The following BCR variants were observed in gnomAD, a reference collection of about 807,000 sequenced individuals.
BCR encodes BCR activator of RhoGEF and GTPase, also known as breakpoint cluster region protein.
A neutral mutation model predicts 138.6 loss-of-function variants in BCR; 58 were observed. The ratio of observed to expected loss-of-function variants is 0.42; its 90% confidence interval spans 0.34 to 0.52. The LOEUF is 0.52. Among genes scored for constraint, BCR ranks in the 20% least tolerant of loss-of-function variants. BCR has a pLI of 0.06. For synonymous variants in BCR, 786 were observed against 730.1 expected, an observed-to-expected ratio of 1.08 and a Z score of -1.23; for missense variants, 1,599 against 1,727.2, an observed-to-expected ratio of 0.93 and a Z score of 1.32.
At chr22:23,250,335 G>A (rs2073210159) in intron 1 of BCR, among the ~76,000 whole-genome samples, 1 of 152,240 alleles carries the variant, frequency 6.6e-6, no homozygotes, top group South Asian at 2.1e-4. Flanking sequence ...CAGATAAACA[G>A]CAAAACCGTT....
intron 1 of BCR, among the ~76,000 whole-genome samples, chr22:23,192,156 A>C (rs1446967352): frequency 3.3e-5 from 5 of 152,184 alleles, no homozygotes; most frequent in African/African-American, 1.2e-4. Context: ...AGGCTGCTTC[A>C]TGGGCCCTCG....
At position 23,285,011 on chromosome 22, in the gene BCR, G is replaced by A. The variant is rs748826114; in HGVS notation, c.2238-22G>A. 37 of 1,607,026 alleles carry A rather than the reference G, an allele frequency of 2.3e-5. No individual in the cohort carries two copies. The Admixed American group carries it at 3.3e-4, about 15-fold the overall frequency. On this transcript the variant is annotated intron_variant, in intron 9 of 22. Coordinates refer to ENST00000305877, the MANE Select transcript of BCR (RefSeq NM_004327.4). ...TAGAAGGCAGTCGGTGCATGTGAAC[G>A]TTCTTCTCTCCCCATCCCCAGCAAA...
intron 12 of BCR, 96 bp downstream of exon 12, chr22:23,288,268 G>C: frequency 7.8e-7 from 1 of 1,289,874 alleles, no homozygotes; most frequent in Non-Finnish European, 1.1e-6. Flanking sequence ...TATTTCGAGG[G>C]GTTTTATCCA....
At chr22:23,255,675 G>T (rs1216994561) in intron 2 of BCR, among the ~76,000 whole-genome samples, 3 of 152,198 alleles carry the variant, frequency 2.0e-5, no homozygotes, top group Non-Finnish European at 4.4e-5. Flanking sequence ...CTGTCCGGGG[G>T]TGGGGGCCTC....
chr22:23,216,729 C>A (rs915454565), intron 1 of BCR, among the ~76,000 whole-genome samples: 1 of 152,228 alleles, frequency 6.6e-6, no homozygotes, highest in African/African-American at 2.4e-5. Flanking sequence ...GGTTTGACTG[C>A]CGCTGGCATC....
chr22:23,180,758 C>CTT lies in BCR; in HGVS notation c.-203_-202insTT, dbSNP rs2072232868. ...GGCGCGCGCAGCCCGCGCCCTTCCCCCCGGCGCGCCCCGCCCCGCGCGCCG... is the reference window on the plus strand; with the variant it reads ...GGCGCGCGCAGCCCGCGCCCTTCCCCTTCCGGCGCGCCCCGCCCCGCGCGCCG... On this transcript the variant is annotated 5_prime_UTR_variant, in exon 1 of 23. Transcript: ENST00000305877. 6.4e-6 allele frequency: 1 copy of CTT among 156,382 alleles called. No individual in the cohort carries two copies. Among genetic ancestry groups the CTT allele is most frequent in the Non-Finnish European group, 1.3e-5 (1 of 74,862 alleles). The allele number at this position is 156,382 out of a possible 1,614,324, so 9.7% of individuals were successfully genotyped here. A position where few individuals can be genotyped will look rare whatever the true frequency, so the allele number is the denominator to read the frequency against.
Position 23,239,007 on chromosome 22 carries a change from T to G in BCR, c.1280-14792T>G, listed in dbSNP as rs2073058084. 2.0e-5 allele frequency among the ~76,000 whole-genome samples: 3 copies of G among 152,144 alleles called. No homozygotes were observed. The South Asian group carries it at 6.2e-4, about 32-fold the overall frequency. ...AGAACCCAGGCTATGGAATCATGTG[T>G]GGGCCCAGCAGGGTTCATAGGCACC... On this transcript the variant is annotated intron_variant, in intron 1 of 22. Transcript: ENST00000305877.
intron 7 of BCR, 25 bp downstream of exon 7, chr22:23,273,158 C>T (rs1187010132): frequency 1.1e-5 from 17 of 1,610,872 alleles, no homozygotes; most frequent in South Asian, 3.3e-5. Context: ...CCCTCTGGAC[C>T]GGGACCAAAA....
Position 23,182,096 on chromosome 22 carries a change from ACAG to A in BCR, c.1143_1145del (p.Ser382del), listed in dbSNP as rs2072276018. 1 of 1,612,976 alleles carries A rather than the reference ACAG, an allele frequency of 6.2e-7. No individual in the cohort carries two copies. The highest frequency in any genetic ancestry group is 8.5e-7 in the Non-Finnish European group (1 of 1,180,036). On this transcript the variant is annotated inframe_deletion, in exon 1 of 23. Transcript: ENST00000305877. ...TCGCAGAACTCGCAACAGTCCTTCGACAGCAGCAGTCCCCCCACGCCGCAGTGC... is the reference window on the plus strand; with the variant it reads ...TCGCAGAACTCGCAACAGTCCTTCGACAGCAGTCCCCCCACGCCGCAGTGC...
rs1219139845 is a variant in BCR, at chr22:23,229,191, A to G, written c.1280-24608A>G. Among the ~76,000 whole-genome samples the G allele has an allele frequency of 2.6e-5, 4 of 151,718 alleles. No homozygotes were observed. In the South Asian group the frequency reaches 6.3e-4, roughly 24 times the overall value. On this transcript the variant is annotated intron_variant, in intron 1 of 22. Coordinates refer to ENST00000305877, the MANE Select transcript of BCR (RefSeq NM_004327.4). The stretch of plus-strand genomic sequence containing the variant: ...TTTATTTTTTGGTTCTAAAATTCCT[A>G]TTTGGTTCTTTTTTATAGCTTCTAT...
chr22:23,198,238 T>C, intron 1 of BCR: 1 of 432,644 alleles, frequency 2.3e-6, no homozygotes, highest in Non-Finnish European at 4.5e-6. Flanking sequence ...GGGTGGGGAT[T>C]CAGGATTAGG....
rs142399147 is a variant in BCR at position 23,196,560 on chromosome 22, C to T, written c.1279+14321C>T. On this transcript the variant is annotated intron_variant, in intron 1 of 22. Coordinates refer to ENST00000305877, the MANE Select transcript of BCR (RefSeq NM_004327.4). ...AAATTGGTTCCAGGATTCCCTTGGG[C>T]AGCAGTCCCCAGCCTCCTTTTTGAC... Among the ~76,000 whole-genome samples the T allele has an allele frequency of 6.6e-5, 10 of 152,272 alleles. No homozygotes were observed. In the East Asian group the frequency reaches 1.9e-3, roughly 29 times the overall value.
chr22:23,212,135 T>A (rs1568936056), intron 1 of BCR, among the ~76,000 whole-genome samples: 2 of 152,118 alleles, frequency 1.3e-5, no homozygotes, highest in Admixed American at 1.3e-4. Flanking sequence ...CCGTTGCTGG[T>A]TTCTTCTTTG....
chr22:23,311,914 C>G, intron 19 of BCR, 78 bp downstream of exon 19: 2 of 1,566,860 alleles, frequency 1.3e-6, no homozygotes, highest in South Asian at 1.2e-5. Context: ...TGCTCCATGG[C>G]CCAGGCATGT....
At chr22:23,265,347 T>C (rs916460319) in intron 4 of BCR, among the ~76,000 whole-genome samples, 1 of 152,270 alleles carries the variant, frequency 6.6e-6, no homozygotes, top group African/African-American at 2.4e-5. Flanking sequence ...CAAGGACAGA[T>C]AGGCCCGGTG....
chr22:23,310,101 T>C (rs2073991000), intron 17 of BCR: 2 of 506,030 alleles, frequency 4.0e-6, no homozygotes, highest in Non-Finnish European at 7.4e-6. Flanking sequence ...GCGGGGATTT[T>C]AGGAGGTGCT....
Position 23,230,052 on chromosome 22 carries a change from C to CTTTT in BCR, c.1280-23738_1280-23735dup, listed in dbSNP as rs3054871. 8.8e-4 allele frequency among the ~76,000 whole-genome samples: 128 copies of CTTTT among 145,958 alleles called. 2 individuals are homozygous for CTTTT. The highest frequency in any genetic ancestry group is 7.1e-3 in the Middle Eastern group (2 of 282). On this transcript the variant is annotated intron_variant, in intron 1 of 22. Coordinates refer to ENST00000305877, the MANE Select transcript of BCR (RefSeq NM_004327.4). Reference sequence around the variant, plus strand: ...AGAGAGCAAGCTTTTCTGTTTGGTTCTTTTTTTTTTTTCCTCTTGTCTGTG... The same window carrying CTTTT: ...AGAGAGCAAGCTTTTCTGTTTGGTTCTTTTTTTTTTTTTTTTCCTCTTGTCTGTG...
At chr22:23,276,972 G>A (rs2073585081) in intron 8 of BCR, among the ~76,000 whole-genome samples, 2 of 152,212 alleles carry the variant, frequency 1.3e-5, no homozygotes, top group Admixed American at 6.5e-5. Flanking sequence ...CACAGCCTGC[G>A]AGGGACTTTA....
chr22:23,186,316 CT>C (rs750864751), intron 1 of BCR, among the ~76,000 whole-genome samples: 12 of 152,168 alleles, frequency 7.9e-5, no homozygotes, highest in Non-Finnish European at 1.6e-4. Context: ...ATTTTTGTAA[CT>C]TTTAAAAAGT....
Sources: allele counts gnomAD v4.1 joint callset (sites outside exome capture counted in the v4.1 genomes callset), GRCh38; gene constraint gnomAD v4.1.1; transcripts MANE v1.5; gene names NCBI Gene and HGNC (gene_info 2026-07-23, HGNC 2026-07-21).